The following STARD13 variants were observed in gnomAD, a reference collection of about 807,000 sequenced individuals.
STARD13 encodes the protein stAR-related lipid transfer protein 13.
A neutral mutation model predicts 106.4 loss-of-function variants in STARD13; 62 were observed. The observed-to-expected ratio is 0.58, with a 90% CI of 0.48 to 0.72. The LOEUF (loss-of-function observed/expected upper bound fraction) is 0.72, where lower values mean the gene tolerates loss of function less well. Ranked by LOEUF, STARD13 falls within the 30% of genes least tolerant of loss-of-function variation. The probability of loss-of-function intolerance (pLI) is 0.00; values close to 1 mark genes in which losing one functional copy is unlikely to be tolerated. For synonymous variants in STARD13, 565 were observed against 553.0 expected (o/e 1.02, Z -0.31); for missense variants, 1,387 against 1,424.0 (o/e 0.97, Z 0.42).
At chr13:33,487,183 C>G in the STARD13 span, among the ~76,000 whole-genome samples, 6 of 152,222 alleles carry the variant, frequency 3.9e-5, no homozygotes, top group African/African-American at 1.4e-4. Flanking sequence ...CAAATGAAAT[C>G]ATCCATGTAA....
rs139906868 is a variant in STARD13, at chr13:33,162,559, C to A, written c.323+2778G>T. On this transcript the variant is annotated intron_variant, in intron 3 of 13. Coordinates refer to ENST00000336934, the MANE Select transcript of STARD13 (RefSeq NM_178006.4). ...GCCTTTAACAGCACCCAAGTCACCTCTTGAATGCTCTGTTTGCTGCTTAGA... is the reference window on the plus strand; with the variant it reads ...GCCTTTAACAGCACCCAAGTCACCTATTGAATGCTCTGTTTGCTGCTTAGA... Among the ~76,000 whole-genome samples, 944 of 152,334 alleles carry A rather than the reference C, an allele frequency of 6.2e-3. 9 individuals carry two copies. Among genetic ancestry groups the A allele is most frequent in the Non-Finnish European group, 0.012 (802 of 68,030 alleles).
chr13:33,426,971 T>C, the STARD13 span, among the ~76,000 whole-genome samples: 1 of 152,210 alleles, frequency 6.6e-6, no homozygotes, highest in African/African-American at 2.4e-5. Flanking sequence ...TTATCATGCA[T>C]GATTTGGGTA....
At chr13:33,299,878 A>G (rs1409149532) in intron 1 of STARD13, among the ~76,000 whole-genome samples, 3 of 152,178 alleles carry the variant, frequency 2.0e-5, no homozygotes, top group African/African-American at 7.2e-5. Flanking sequence ...CAGTAACTTG[A>G]AAGTTATTAA....
intron 1 of STARD13, among the ~76,000 whole-genome samples, chr13:33,247,303 C>T (rs1035006128): frequency 6.6e-6 from 1 of 151,968 alleles, no homozygotes; most frequent in Non-Finnish European, 1.5e-5. Context: ...AGCCAAGATA[C>T]CAGGCGGCAG....
At chr13:33,546,726 C>T in the STARD13 span, among the ~76,000 whole-genome samples, 1 of 152,040 alleles carries the variant, frequency 6.6e-6, no homozygotes, top group Non-Finnish European at 1.5e-5. Context: ...TTACTGCAAC[C>T]TCCACCTCCC....
At chr13:33,367,315 A>G in the STARD13 span, among the ~76,000 whole-genome samples, 1 of 152,342 alleles carries the variant, frequency 6.6e-6, no homozygotes, top group African/African-American at 2.4e-5. Context: ...TAAAGCACAC[A>G]TTTGGGTAAA....
At chr13:33,205,343 G>A (rs1330971820) in intron 1 of STARD13, among the ~76,000 whole-genome samples, 3 of 152,184 alleles carry the variant, frequency 2.0e-5, no homozygotes, top group African/African-American at 7.2e-5. Flanking sequence ...AGGCTCGTAG[G>A]AAGTCCAGGT....
the STARD13 span, among the ~76,000 whole-genome samples, chr13:33,595,410 T>A: frequency 6.6e-6 from 1 of 152,190 alleles, no homozygotes; most frequent in Non-Finnish European, 1.5e-5. Context: ...TGATGTTTTT[T>A]AGATAAGGAC....
intron 1 of STARD13, chr13:33,335,368 TG>T (rs1245807496): frequency 2.0e-5 from 3 of 152,246 alleles, no homozygotes; most frequent in African/African-American, 7.2e-5. Context: ...TGACACCCTG[TG>T]TGAGGCAACA....
chr13:33,230,970 G>A (rs1056031347), intron 1 of STARD13, among the ~76,000 whole-genome samples: 12 of 152,194 alleles, frequency 7.9e-5, no homozygotes, highest in Admixed American at 2.0e-4. Context: ...ATAAAGAAGA[G>A]AGAAAATAAT....
At chr13:33,366,028 T>G in the STARD13 span, among the ~76,000 whole-genome samples, 1 of 152,056 alleles carries the variant, frequency 6.6e-6, no homozygotes, top group African/African-American at 2.4e-5. The surrounding 1 kb of genome is among the most constrained non-coding windows in gnomAD (Gnocchi z 4.2). Context: ...TTCTTAATAA[T>G]GCCAGTTAGA....
chr13:33,669,770 G>A, the STARD13 span, among the ~76,000 whole-genome samples: 5 of 151,860 alleles, frequency 3.3e-5, no homozygotes, highest in Non-Finnish European at 5.9e-5. Context: ...TCCTGACCTC[G>A]TGATCCACCC....
chr13:33,190,322 G>A (rs114573043), intron 1 of STARD13, among the ~76,000 whole-genome samples: 185 of 152,302 alleles, frequency 1.2e-3, no homozygotes, highest in African/African-American at 4.4e-3. Flanking sequence ...TTGGGAGGCT[G>A]AAGTGGGAGG....
intron 4 of STARD13, among the ~76,000 whole-genome samples, chr13:33,132,959 G>A (rs147919284): frequency 8.5e-5 from 13 of 152,180 alleles, no homozygotes; most frequent in African/African-American, 3.1e-4. Flanking sequence ...TAGGCTGAAC[G>A]TTGAACTTAT....
chr13:33,346,806 A>ATT (rs796619597), downstream of STARD13, among the ~76,000 whole-genome samples: 1 of 140,984 alleles, frequency 7.1e-6, no homozygotes, highest in Non-Finnish European at 1.6e-5. Context: ...ATTTTTTTGT[A>ATT]TTTTTTTTTT....
Position 33,129,558 on chromosome 13 carries a change from T to C in STARD13, c.1119A>G (p.Thr373=). The C allele has an allele frequency of 1.9e-6, 3 of 1,614,212 alleles. No homozygotes were observed. Among genetic ancestry groups the C allele is most frequent in the South Asian group, 1.1e-5 (1 of 91,082 alleles). ...YLEDLDVLAG[T]ALPDAGDQSR... ...TTTGGTCCCCTGCATCCGGCAGTGC[T>C]GTCCCCGCCAGCACATCTAGGTCCT... Residue 373 remains threonine (T), a synonymous_variant, in exon 5 of 14, where the codon ACA becomes ACG. Coordinates refer to ENST00000336934, the MANE Select transcript of STARD13 (RefSeq NM_178006.4).
the STARD13 span, among the ~76,000 whole-genome samples, chr13:33,562,415 A>C: frequency 6.8e-6 from 1 of 146,704 alleles, no homozygotes; most frequent in Non-Finnish European, 1.5e-5. Flanking sequence ...TCTATCTAAC[A>C]CTTAAGCTCA....
At chr13:33,655,686 C>T in the STARD13 span, among the ~76,000 whole-genome samples, 2 of 152,050 alleles carry the variant, frequency 1.3e-5, no homozygotes, top group African/African-American at 2.4e-5. Context: ...ATCTTTGACT[C>T]CCAAGAATTC....
the STARD13 span, among the ~76,000 whole-genome samples, chr13:33,385,223 ATATATATATATATATATATAT>A: frequency 4.9e-4 from 50 of 101,638 alleles, 1 homozygote; most frequent in African/African-American, 2.4e-3. Flanking sequence ...TTCGGAATAT[ATATATATATATATATATATAT>A]ATATATATAT....
Sources: allele counts gnomAD v4.1 joint callset (sites outside exome capture counted in the v4.1 genomes callset), GRCh38; gene constraint gnomAD v4.1.1; non-coding constraint Gnocchi (gnomAD v3.1); transcripts MANE v1.5; gene names NCBI Gene and HGNC (gene_info 2026-07-23, HGNC 2026-07-21).